Variants in EFCAB7 observed in about 807,000 individuals in gnomAD.
EFCAB7 encodes EF-hand calcium-binding domain-containing protein 7.
In EFCAB7, 66 loss-of-function variants were observed where a neutral mutation model predicts 77.1. The ratio of observed to expected loss-of-function variants is 0.86; its 90% confidence interval spans 0.70 to 1.05. The LOEUF (loss-of-function observed/expected upper bound fraction) is 1.05, where lower values mean the gene tolerates loss of function less well. EFCAB7 is among the 50% of genes least tolerant of loss of function. The probability of loss-of-function intolerance (pLI) is 0.00; values close to 1 mark genes in which losing one functional copy is unlikely to be tolerated. For missense variants in EFCAB7, 638 were observed against 730.5 expected (o/e 0.87, Z 1.46); for synonymous variants, 225 against 243.3 (o/e 0.92, Z 0.70).
At chr1:63,575,676 T>G (rs558394786), downstream of EFCAB7, among the ~76,000 whole-genome samples, 1 of 152,216 alleles carries the variant, frequency 6.6e-6, no homozygotes, top group South Asian at 2.1e-4. Flanking sequence ...CTTGTTTTTC[T>G]GGGCTCAGGT....
At chr1:63,542,205 A>T (rs1179467681) in intron 6 of EFCAB7, among the ~76,000 whole-genome samples, 1 of 152,014 alleles carries the variant, frequency 6.6e-6, no homozygotes, top group African/African-American at 2.4e-5. Flanking sequence ...ATCATACAAT[A>T]TTTGTCCTTT....
intron 2 of EFCAB7, among the ~76,000 whole-genome samples, chr1:63,526,828 G>A (rs1351742716): frequency 2.0e-5 from 3 of 151,808 alleles, no homozygotes; most frequent in South Asian, 2.1e-4. Flanking sequence ...GCAGTGGCGC[G>A]ATCTTGATTC....
At chr1:63,524,787 A>G (rs1646553127) in intron 1 of EFCAB7, among the ~76,000 whole-genome samples, 1 of 152,094 alleles carries the variant, frequency 6.6e-6, no homozygotes, top group African/African-American at 2.4e-5. Flanking sequence ...CTACCCCTCA[A>G]TTTCCTCATC....
chr1:63,561,873 A>T lies in EFCAB7; in HGVS notation c.1497+16A>T, dbSNP rs763241382. 2 of 1,545,180 alleles carry T rather than the reference A, an allele frequency of 1.3e-6. No individual in the cohort carries two copies. The highest frequency in any genetic ancestry group is 4.7e-5 in the East Asian group (2 of 42,936). On this transcript the variant is annotated intron_variant, in intron 11 of 13. Transcript: ENST00000371088. The stretch of plus-strand genomic sequence containing the variant: ...GTTGACAGAGGTAAAGTATTCTTAA[A>T]CTTTTGCCAATGGGTTTAATGTACA...
intron 8 of EFCAB7, 100 bp from the exon 9 acceptor site, chr1:63,555,258 T>C: frequency 7.6e-7 from 1 of 1,313,784 alleles, no homozygotes; most frequent in South Asian, 1.7e-5. Flanking sequence ...TTAAAAATCA[T>C]TTCTAATGTG....
At chr1:63,561,342 A>C (rs994868872) in intron 10 of EFCAB7, among the ~76,000 whole-genome samples, 2 of 152,214 alleles carry the variant, frequency 1.3e-5, no homozygotes, top group Non-Finnish European at 2.9e-5. Context: ...AGTGGCAAAT[A>C]CATATGAAGC....
intron 9 of EFCAB7, among the ~76,000 whole-genome samples, chr1:63,555,737 CT>C (rs934501825): frequency 1.5e-3 from 212 of 144,538 alleles, no homozygotes; most frequent in Middle Eastern, 3.5e-3. Context: ...TATGTGGGAA[CT>C]TTTTTTTTTT....
intron 2 of EFCAB7, among the ~76,000 whole-genome samples, chr1:63,526,071 G>A (rs1351823540): frequency 7.2e-5 from 11 of 151,904 alleles, no homozygotes; most frequent in Admixed American, 4.6e-4. Context: ...AACGCTTTTG[G>A]CCTCTTAAGT....
chr1:63,533,724 T>A, intron 5 of EFCAB7, 75 bp downstream of exon 5: 2 of 1,094,894 alleles, frequency 1.8e-6, no homozygotes, highest in Non-Finnish European at 2.6e-6. Context: ...TCCTTCCATT[T>A]CAGCTTATCA....
At chr1:63,578,230 C>T in the EFCAB7 span, among the ~76,000 whole-genome samples, 1 of 152,096 alleles carries the variant, frequency 6.6e-6, no homozygotes, top group African/African-American at 2.4e-5. Context: ...TAATGTTTTT[C>T]ACTTTTCCTA....
intron 6 of EFCAB7, among the ~76,000 whole-genome samples, chr1:63,539,963 T>G (rs1280612946): frequency 6.6e-6 from 1 of 152,094 alleles, no homozygotes; most frequent in African/African-American, 2.4e-5. Context: ...TAAGGGCAAT[T>G]GGGTCTGAGG....
chr1:63,543,526 G>A (rs1446577071), intron 6 of EFCAB7, among the ~76,000 whole-genome samples: 6 of 152,108 alleles, frequency 3.9e-5, no homozygotes, highest in African/African-American at 1.4e-4. Context: ...AATCTAAGTA[G>A]GGCATTAGAA....
At chr1:63,563,479 G>T (rs1021471935) in intron 11 of EFCAB7, among the ~76,000 whole-genome samples, 1 of 152,166 alleles carries the variant, frequency 6.6e-6, no homozygotes, top group African/African-American at 2.4e-5. Flanking sequence ...GGGAGGTATG[G>T]AATTCAAGGA....
intron 5 of EFCAB7, 131 bp downstream of exon 5, chr1:63,533,780 A>C: frequency 1.4e-6 from 1 of 696,060 alleles, no homozygotes; most frequent in South Asian, 2.9e-5. Context: ...TACTATTTCT[A>C]GACTCTTTCA....
intron 2 of EFCAB7, chr1:63,529,501 G>A (rs939515464): frequency 2.0e-5 from 3 of 152,016 alleles, no homozygotes; most frequent in African/African-American, 7.2e-5. Context: ...ATCACCTGAG[G>A]TCAGGAGTTT....
intron 9 of EFCAB7, 78 bp downstream of exon 9, chr1:63,555,593 C>T: frequency 2.5e-6 from 3 of 1,212,632 alleles, no homozygotes; most frequent in South Asian, 1.8e-5. Context: ...CTCCCTTTGG[C>T]CAGCTCCCAC....
chr1:63,584,541 G>C, the EFCAB7 span, among the ~76,000 whole-genome samples: 5 of 152,274 alleles, frequency 3.3e-5, no homozygotes, highest in South Asian at 6.2e-4. Flanking sequence ...AATGGAGCAA[G>C]ATCTTGTCTT....
At chr1:63,551,675 G>T (rs1387284114) in intron 7 of EFCAB7, 50 bp from the exon 8 acceptor site, 1 of 819,488 alleles carries the variant, frequency 1.2e-6, no homozygotes, top group Non-Finnish European at 1.8e-6. Flanking sequence ...GGAAAGAATA[G>T]ATAGTGATTG....
intron 12 of EFCAB7, 130 bp from the exon 13 acceptor site, chr1:63,570,891 A>G (rs1647236896): frequency 2.1e-6 from 1 of 481,508 alleles, no homozygotes; most frequent in Middle Eastern, 5.9e-4. Context: ...TGAAAGAAGT[A>G]GCCAATTTGT....
Sources: gnomAD v4.1 joint callset for allele counts (sites outside exome capture counted in the v4.1 genomes callset) on GRCh38, gnomAD v4.1.1 for gene constraint, MANE v1.5 for transcripts, NCBI Gene and HGNC (gene_info 2026-07-23, HGNC 2026-07-21) for gene names.